Variants in CDC5L observed in about 807,000 individuals in gnomAD.
The protein encoded by CDC5L is cell division cycle 5-like protein.
A neutral mutation model predicts 104.1 loss-of-function variants in CDC5L; 18 were observed. The observed-to-expected ratio is 0.17, with a 90% CI of 0.12 to 0.26. The LOEUF is 0.26. Among genes scored for constraint, CDC5L ranks in the 10% least tolerant of loss-of-function variants. The pLI, the probability that CDC5L is intolerant of heterozygous loss-of-function variation, is 1.00. For synonymous variants in CDC5L, 331 were observed against 322.7 expected (o/e 1.03, Z -0.28); for missense variants, 673 against 956.9 (o/e 0.70, Z 3.91).
chr6:44,401,465 C>T (rs999436811), intron 5 of CDC5L, among the ~76,000 whole-genome samples: 4 of 152,042 alleles, frequency 2.6e-5, no homozygotes, highest in African/African-American at 4.8e-5. Context: ...GGAACTTTGC[C>T]ACCAGAAATA....
At chr6:44,403,266 G>A (rs949577255) in intron 5 of CDC5L, among the ~76,000 whole-genome samples, 3 of 149,776 alleles carry the variant, frequency 2.0e-5, no homozygotes. Context: ...TGTCATTTTA[G>A]TTACCTGCAT....
chr6:44,414,391 TGTGTG>T (rs1561973287), intron 8 of CDC5L, among the ~76,000 whole-genome samples: 29 of 116,620 alleles, frequency 2.5e-4, no homozygotes, highest in African/African-American at 8.2e-4. Flanking sequence ...CCTGTGTGTG[TGTGTG>T]TGTGTGTGTG....
rs11571919 is a variant in CDC5L, at chr6:44,393,077, GA to G, written c.311+255del. On this transcript the variant is annotated intron_variant, in intron 3 of 15. Coordinates refer to ENST00000371477, the MANE Select transcript of CDC5L (RefSeq NM_001253.4). ...GCATGTTCATCATAGAAAATCTGGG[GA>G]AAAAATAGTAAAAGAGCAAATAAAA... 6.6e-4 allele frequency among the ~76,000 whole-genome samples: 99 copies of G among 149,796 alleles called. 3 individuals carry two copies. In the East Asian group the frequency reaches 0.019, roughly 28 times the overall value.
At position 44,403,790 on chromosome 6, in the gene CDC5L, G is replaced by C. The variant is rs374359834; in HGVS notation, c.540-19G>C. The C allele has an allele frequency of 1.9e-6, 3 of 1,558,074 alleles. No homozygotes were observed. In the African/African-American group the frequency reaches 4.1e-5, roughly 22 times the overall value. ...TCACATGGCATATGATTTTCAAAGT[G>C]ATTTTGCATTCTTTTCAGACGTCTT... On this transcript the variant is annotated intron_variant, in intron 5 of 15. Coordinates refer to ENST00000371477, the MANE Select transcript of CDC5L (RefSeq NM_001253.4).
In CDC5L at chr6:44,408,620, C is replaced by A; in HGVS notation, c.1080C>A (p.Asp360Glu). 1 of 1,596,250 alleles carries A rather than the reference C, an allele frequency of 6.3e-7. No homozygotes were observed. Among genetic ancestry groups the A allele is most frequent in the South Asian group, 1.1e-5 (1 of 89,896 alleles). The change falls in exon 8 of 16, where the codon GAC (aspartate) becomes GAA (glutamate). Residue 360 changes from aspartate to glutamate, a missense_variant. Around this residue, in one of 4 missense-constraint regions of CDC5L, gnomAD observed 578 missense variants for 737.0 expected, o/e 0.78. Transcript: ENST00000371477. ...CACCACGAACACCAGCTTCCCAGGA[C>A]AGAATTCTGCAGGTAACGTGTCACG... ...LRTPRTPASQ[D>E]RILQEAQNLM...
In CDC5L at chr6:44,424,541, T is replaced by A; in HGVS notation, c.1527T>A (p.Asp509Glu). The part of the protein sequence containing the change: ...EKELEEREID[D>E]TYIEDAADVD... ...AGCTGGAAGAACGTGAAATAGATGA[T>A]ACTTACATTGAAGATGCTGCTGATG... Residue 509 changes from aspartate (D) to glutamate (E), a missense_variant, in exon 11 of 16, where the codon GAT becomes GAA. By Grantham distance (45) the Asp-to-Glu change is conservative. Transcript: ENST00000371477. 6.2e-7 allele frequency: 1 copy of A among 1,613,992 alleles called. No homozygotes were observed. The highest frequency in any genetic ancestry group is 8.5e-7 in the Non-Finnish European group (1 of 1,179,940).
chr6:44,414,382 C>CTGTGTG (rs58800666), intron 8 of CDC5L, among the ~76,000 whole-genome samples: 94 of 130,032 alleles, frequency 7.2e-4, no homozygotes, highest in South Asian at 2.3e-3. Flanking sequence ...CTGGCCTGGC[C>CTGTGTG]TGTGTGTGTG....
At chr6:44,411,458 A>G (rs1184590666) in intron 8 of CDC5L, among the ~76,000 whole-genome samples, 1 of 534 alleles carries the variant, frequency 1.9e-3, no homozygotes, top group African/African-American at 2.6e-3. Flanking sequence ...GATGTCTCCA[A>G]TCTAAAATTA....
intron 14 of CDC5L, among the ~76,000 whole-genome samples, chr6:44,443,217 GCTAT>G (rs1793292109): frequency 6.6e-6 from 1 of 150,704 alleles, no homozygotes; most frequent in Non-Finnish European, 1.5e-5. Flanking sequence ...CTGCTGAGAA[GCTAT>G]CTGATAGTCT....
intron 14 of CDC5L, among the ~76,000 whole-genome samples, chr6:44,434,107 G>A (rs916388510): frequency 1.8e-4 from 27 of 152,120 alleles, no homozygotes; most frequent in African/African-American, 6.5e-4. Context: ...GACAGATTTC[G>A]TAGTTGTCTC....
rs774260829 is a variant in CDC5L, at chr6:44,406,324, G to A, written c.760G>A (p.Glu254Lys). 3.1e-6 allele frequency: 5 copies of A among 1,598,316 alleles called. No homozygotes were observed. The South Asian group carries it at 5.7e-5, about 18-fold the overall frequency. The change falls in exon 7 of 16, where the codon GAA becomes AAA. Residue 254 changes from glutamate (E) to lysine (K), a missense_variant and splice_region_variant. Physicochemically the swap from Glu to Lys is moderately conservative, Grantham distance 56 (BLOSUM62 1). Coordinates refer to ENST00000371477, the MANE Select transcript of CDC5L (RefSeq NM_001253.4). Reference sequence around the variant, plus strand: ...CTTTTCTACTTTGATCCATGACAGTGAAAAAGAAGGAAGAGATAGAAAAAA... The same window carrying A: ...CTTTTCTACTTTGATCCATGACAGTAAAAAAGAAGGAAGAGATAGAAAAAA... ...QQDLDGELRS[E>K]KEGRDRKKDK...
Position 44,426,011 on chromosome 6 carries a change from A to T in CDC5L, c.1570-92A>T, listed in dbSNP as rs1792400301. On this transcript the variant is annotated intron_variant, in intron 11 of 15. Coordinates refer to ENST00000371477, the MANE Select transcript of CDC5L (RefSeq NM_001253.4). ...TTTCTAAACTTTAGCTATTGAACAC[A>T]CATGATCTTACATACCAAAGTGTTT... 8 of 794,626 alleles carry T rather than the reference A, an allele frequency of 1.0e-5. No individual in the cohort carries two copies. The South Asian group carries it at 1.6e-4, about 16-fold the overall frequency. 49.2% of individuals were successfully genotyped at this position (794,626 alleles called of 1,614,324 possible). A position where few individuals can be genotyped will look rare whatever the true frequency, so the allele number is the denominator to read the frequency against.
At chr6:44,431,758 G>A (rs1792696920) in intron 14 of CDC5L, among the ~76,000 whole-genome samples, 1 of 152,116 alleles carries the variant, frequency 6.6e-6, no homozygotes, top group South Asian at 2.1e-4. Flanking sequence ...GAATTTTAAA[G>A]GGAAAAATAC....
At chr6:44,428,189 C>CTT (rs1405648607) in intron 13 of CDC5L, among the ~76,000 whole-genome samples, 6 of 152,062 alleles carry the variant, frequency 3.9e-5, no homozygotes, top group Non-Finnish European at 4.4e-5. Flanking sequence ...TTTTAATAAA[C>CTT]TGTCAGATTT....
intron 1 of CDC5L, 80 bp downstream of exon 1, chr6:44,387,948 C>T (rs1323612247): frequency 3.7e-6 from 5 of 1,357,510 alleles, no homozygotes; most frequent in Non-Finnish European, 5.1e-6. Context: ...GTCGGGGGGG[C>T]GACGAGGAGA....
At chr6:44,436,119 A>G (rs1216231504) in intron 14 of CDC5L, among the ~76,000 whole-genome samples, 2 of 152,188 alleles carry the variant, frequency 1.3e-5, no homozygotes. Flanking sequence ...GTTTGAGATA[A>G]TATAAGATTA....
intron 1 of CDC5L, 96 bp downstream of exon 1, chr6:44,387,964 T>TG (rs1219126869): frequency 8.6e-7 from 1 of 1,161,078 alleles, no homozygotes; most frequent in East Asian, 2.6e-5. Flanking sequence ...GGAGACCCTG[T>TG]GGGGTCTGCG....
rs1793473589 is a variant in CDC5L, at chr6:44,446,793, T to C, written c.*82T>C. 1.5e-6 allele frequency: 1 copy of C among 677,166 alleles called. No individual in the cohort carries two copies. The highest frequency in any genetic ancestry group is 1.8e-5 in the African/African-American group (1 of 54,392). The allele number at this position is 677,166 out of a possible 1,614,324, so 41.9% of individuals were successfully genotyped here. Reference sequence around the variant, plus strand: ...AGGCTGAAACTGATGTTTATCTTCATTGACAAATTTACCCACCATCTGTGG... The same window carrying C: ...AGGCTGAAACTGATGTTTATCTTCACTGACAAATTTACCCACCATCTGTGG... On this transcript the variant is annotated 3_prime_UTR_variant, in exon 16 of 16. Transcript: ENST00000371477.
intron 8 of CDC5L, among the ~76,000 whole-genome samples, chr6:44,411,945 A>C (rs1214206962): frequency 6.6e-6 from 1 of 152,234 alleles, no homozygotes; most frequent in Non-Finnish European, 1.5e-5. Context: ...CTGTTCGGAC[A>C]GACTGGGAAA....
Sources: allele counts gnomAD v4.1 joint callset (sites outside exome capture counted in the v4.1 genomes callset), GRCh38; gene constraint gnomAD v4.1.1; regional missense constraint gnomAD v4.1.1; transcripts MANE v1.5; gene names NCBI Gene and HGNC (gene_info 2026-07-23, HGNC 2026-07-21).